Variants in KCNIP4 observed in about 807,000 individuals in gnomAD.
The protein encoded by KCNIP4 is Kv channel-interacting protein 4.
Under a neutral mutation model 34.0 loss-of-function variants are expected in KCNIP4, and 12 were observed. That is an observed-to-expected ratio of 0.35 (90% CI 0.23 to 0.57). KCNIP4 has a LOEUF of 0.57. KCNIP4 is among the 20% of genes least tolerant of loss of function. The probability of loss-of-function intolerance (pLI) is 0.83; values close to 1 mark genes in which losing one functional copy is unlikely to be tolerated. For missense variants in KCNIP4, 238 were observed against 311.7 expected, an observed-to-expected ratio of 0.76 and a Z score of 1.78; for synonymous variants, 124 against 102.2, an observed-to-expected ratio of 1.21 and a Z score of -1.29.
intron 3 of KCNIP4, among the ~76,000 whole-genome samples, chr4:20,822,495 C>A (rs1717229364): frequency 6.6e-6 from 1 of 152,108 alleles, no homozygotes; most frequent in Non-Finnish European, 1.5e-5. Context: ...CTAGCATAAC[C>A]ACTGTGGAAA....
At chr4:21,802,539 A>G (rs1030242714) in intron 1 of KCNIP4, among the ~76,000 whole-genome samples, 1 of 152,216 alleles carries the variant, frequency 6.6e-6, no homozygotes, top group Non-Finnish European at 1.5e-5. Context: ...TATTTAAAGA[A>G]ATGTACATCA....
intron 1 of KCNIP4, among the ~76,000 whole-genome samples, chr4:21,399,944 G>A (rs1318191964): frequency 1.3e-5 from 2 of 152,130 alleles, no homozygotes; most frequent in African/African-American, 4.8e-5. Context: ...GAAGTAGTAA[G>A]GTGTTGTATA....
intron 1 of KCNIP4, among the ~76,000 whole-genome samples, chr4:21,792,539 A>G (rs1247673101): frequency 6.6e-6 from 1 of 152,234 alleles, no homozygotes; most frequent in Admixed American, 6.5e-5. Context: ...GTGGTCATGG[A>G]TAACAGAAGT....
chr4:20,859,956 G>A (rs925446700), intron 2 of KCNIP4, among the ~76,000 whole-genome samples: 6 of 152,140 alleles, frequency 3.9e-5, no homozygotes, highest in Admixed American at 6.5e-5. Flanking sequence ...TGCCTATAAA[G>A]CATGAAACAC....
At chr4:21,051,846 T>C (rs1742961027) in intron 1 of KCNIP4, among the ~76,000 whole-genome samples, 1 of 152,174 alleles carries the variant, frequency 6.6e-6, no homozygotes, top group African/African-American at 2.4e-5. Context: ...AACCACTACA[T>C]TACAGCATGA....
chr4:21,532,280 T>G (rs1236771058), intron 1 of KCNIP4, among the ~76,000 whole-genome samples: 2 of 152,200 alleles, frequency 1.3e-5, no homozygotes, highest in Non-Finnish European at 2.9e-5. Context: ...ATGATAAAAC[T>G]GCATTTCTTT....
intron 1 of KCNIP4, among the ~76,000 whole-genome samples, chr4:21,345,591 A>AG (rs1386667490): frequency 6.6e-6 from 1 of 152,160 alleles, no homozygotes; most frequent in Non-Finnish European, 1.5e-5. Flanking sequence ...ATAAAAAAAA[A>AG]TTAGAGCTGT....
intron 1 of KCNIP4, among the ~76,000 whole-genome samples, chr4:21,148,696 A>T (rs573540247): frequency 6.6e-6 from 1 of 152,200 alleles, no homozygotes; most frequent in Admixed American, 6.5e-5. Context: ...AGAAAAAAAA[A>T]AAAGCTGAAG....
At chr4:21,076,279 A>G (rs1745480133) in intron 1 of KCNIP4, among the ~76,000 whole-genome samples, 1 of 152,194 alleles carries the variant, frequency 6.6e-6, no homozygotes, top group Admixed American at 6.6e-5. Context: ...AGGTACACCA[A>G]TCAGAATCTT....
chr4:21,547,295 C>T (rs541214627), intron 1 of KCNIP4, among the ~76,000 whole-genome samples: 1 of 152,010 alleles, frequency 6.6e-6, no homozygotes, highest in South Asian at 2.1e-4. Flanking sequence ...CCATAGCTGA[C>T]TAATACAACA....
intron 1 of KCNIP4, among the ~76,000 whole-genome samples, chr4:21,724,483 T>G (rs1715048704): frequency 6.6e-6 from 1 of 151,968 alleles, no homozygotes; most frequent in Non-Finnish European, 1.5e-5. Flanking sequence ...GTTACAACAC[T>G]AAAGTGCAAT....
At chr4:21,717,404 A>G (rs150064595) in intron 1 of KCNIP4, among the ~76,000 whole-genome samples, 96 of 152,296 alleles carry the variant, frequency 6.3e-4, no homozygotes, top group African/African-American at 2.1e-3. Context: ...TATTAACTAT[A>G]TAACTCCCTA....
intron 1 of KCNIP4, among the ~76,000 whole-genome samples, chr4:21,307,236 G>T (rs1484890898): frequency 6.6e-6 from 1 of 150,978 alleles, no homozygotes; most frequent in African/African-American, 2.4e-5. Flanking sequence ...CCCAAGGCCT[G>T]AGGGTTTTTC....
At chr4:20,778,655 C>T (rs918063831) in intron 3 of KCNIP4, among the ~76,000 whole-genome samples, 6 of 152,150 alleles carry the variant, frequency 3.9e-5, no homozygotes, top group African/African-American at 9.6e-5. Flanking sequence ...CTCAAAATAA[C>T]AAGTTTAATT....
chr4:21,404,865 G>T (rs1309937427), intron 1 of KCNIP4, among the ~76,000 whole-genome samples: 5 of 152,136 alleles, frequency 3.3e-5, no homozygotes, highest in Non-Finnish European at 7.4e-5. Context: ...TTAGTTCTAG[G>T]ATAACTAAAT....
At chr4:21,352,386 G>A (rs989032806) in intron 1 of KCNIP4, among the ~76,000 whole-genome samples, 1 of 152,180 alleles carries the variant, frequency 6.6e-6, no homozygotes, top group Non-Finnish European at 1.5e-5. Flanking sequence ...AGGAAGCCAT[G>A]ATAGACTGTA....
chr4:21,690,738 AACAAAC>A (rs1454789600), intron 1 of KCNIP4, among the ~76,000 whole-genome samples: 5 of 152,210 alleles, frequency 3.3e-5, no homozygotes, highest in Non-Finnish European at 7.3e-5. Flanking sequence ...CAATGTGCCT[AACAAAC>A]ACAAACCATA....
intron 1 of KCNIP4, among the ~76,000 whole-genome samples, chr4:21,181,588 G>A (rs913200805): frequency 3.3e-5 from 5 of 152,084 alleles, no homozygotes; most frequent in African/African-American, 9.7e-5. Flanking sequence ...ATGGTATAAT[G>A]AGCTGTGAAG....
At chr4:21,108,339 T>A (rs1164428255) in intron 1 of KCNIP4, among the ~76,000 whole-genome samples, 1 of 149,556 alleles carries the variant, frequency 6.7e-6, no homozygotes, top group Non-Finnish European at 1.5e-5. Context: ...TCGCTTCATT[T>A]CATTCATTTC....
Sources: allele counts gnomAD v4.1 joint callset (sites outside exome capture counted in the v4.1 genomes callset), GRCh38; gene constraint gnomAD v4.1.1; transcripts MANE v1.5; gene names NCBI Gene and HGNC (gene_info 2026-07-23, HGNC 2026-07-21).